Variants in MYT1L observed in about 807,000 individuals in gnomAD.
The protein encoded by MYT1L is myelin transcription factor 1 like.
In MYT1L, 12 loss-of-function variants were observed where a neutral mutation model predicts 126.7. The observed-to-expected ratio is 0.09, with a 90% CI of 0.06 to 0.15. The LOEUF is 0.15. MYT1L is among the 10% of genes least tolerant of loss of function. The pLI is 1.00. For missense variants in MYT1L, 979 were observed against 1,585.2 expected, an observed-to-expected ratio of 0.62 and a Z score of 6.49; for synonymous variants, 541 against 604.2, an observed-to-expected ratio of 0.90 and a Z score of 1.53.
At chr2:2,242,352 CA>C (rs1373048702) in intron 2 of MYT1L, among the ~76,000 whole-genome samples, 1 of 152,148 alleles carries the variant, frequency 6.6e-6, no homozygotes, top group Non-Finnish European at 1.5e-5. Flanking sequence ...TGATGGTTAA[CA>C]ACACGTAAAG....
At chr2:2,226,213 C>A (rs938398595) in intron 2 of MYT1L, among the ~76,000 whole-genome samples, 14 of 152,286 alleles carry the variant, frequency 9.2e-5, no homozygotes, top group African/African-American at 3.4e-4. Flanking sequence ...CCTAGTTGTG[C>A]GGCCTGCCAG....
chr2:2,085,043 C>G (rs2076219350), intron 3 of MYT1L, among the ~76,000 whole-genome samples: 1 of 152,160 alleles, frequency 6.6e-6, no homozygotes, highest in South Asian at 2.1e-4. Context: ...ACTTTGTGGT[C>G]AGGAAGCTTC....
intron 18 of MYT1L, among the ~76,000 whole-genome samples, chr2:1,870,568 T>C (rs12618511): frequency 0.15 from 22,843 of 152,052 alleles, 2,294 homozygotes; most frequent in African/African-American, 0.28. Context: ...GCCAAAGACC[T>C]CATTTGGAAA....
chr2:1,799,830 G>A (rs1435978883), intron 23 of MYT1L, among the ~76,000 whole-genome samples: 1 of 152,094 alleles, frequency 6.6e-6, no homozygotes, highest in Non-Finnish European at 1.5e-5. Flanking sequence ...AAATCATGGG[G>A]GCGTTCCCCC....
In MYT1L at chr2:1,892,250, G is replaced by T; in HGVS notation, c.2070C>A (p.Ser690Arg). The T allele has an allele frequency of 1.3e-6, 2 of 1,549,756 alleles. No individual in the cohort carries two copies. Among genetic ancestry groups the T allele is most frequent in the Non-Finnish European group, 1.7e-6 (2 of 1,146,516 alleles). The stretch of plus-strand genomic sequence containing the variant: ...TGCTGGGCGCGTAGCTGCTGGTGCT[G>T]CTGCTGCTGGGGCTGGGGTCCTTGC... The part of the protein sequence containing the change: ...RYCKDPSPSS[S>R]STSSYAPSSS... Residue 690 changes from serine to arginine, a missense_variant, in exon 15 of 25, where the codon AGC (serine) becomes AGA (arginine). By Grantham distance (110) the Ser-to-Arg change is moderately radical (BLOSUM62 -1). Transcript: ENST00000647738.
chr2:2,148,390 G>T (rs183790611), intron 3 of MYT1L, among the ~76,000 whole-genome samples: 27 of 152,286 alleles, frequency 1.8e-4, no homozygotes, highest in African/African-American at 6.5e-4. Context: ...ATGAGAATCT[G>T]ATGCCACCTG....
chr2:1,887,382 T>G lies in MYT1L; in HGVS notation c.2642+106A>C, dbSNP rs928827593. On this transcript the variant is annotated intron_variant, in intron 17 of 24. Transcript: ENST00000647738. The surrounding 1 kb of genome is among the most constrained non-coding windows in gnomAD (Gnocchi z 4.8). ...GTCGGAAACATTTATATGCTGCGAATGTCGCATGCTCAAACGGCAAGGCAT... is the reference window on the plus strand; with the variant it reads ...GTCGGAAACATTTATATGCTGCGAAGGTCGCATGCTCAAACGGCAAGGCAT... 105 of 1,439,128 alleles carry G rather than the reference T, an allele frequency of 7.3e-5. No individual in the cohort carries two copies. Among genetic ancestry groups the G allele is most frequent in the Non-Finnish European group, 8.3e-5 (86 of 1,033,996 alleles). 89.1% of individuals were successfully genotyped at this position (1,439,128 alleles called of 1,614,324 possible). A position where few individuals can be genotyped will look rare whatever the true frequency, so the allele number is the denominator to read the frequency against.
chr2:1,906,990 T>C (rs1475884191), intron 13 of MYT1L, among the ~76,000 whole-genome samples: 1 of 151,422 alleles, frequency 6.6e-6, no homozygotes, highest in African/African-American at 2.4e-5. Flanking sequence ...TGCATGCCCA[T>C]TGTCCCAGCT....
intron 2 of MYT1L, among the ~76,000 whole-genome samples, chr2:2,283,163 C>T (rs2149414087): frequency 6.6e-6 from 1 of 152,250 alleles, no homozygotes; most frequent in East Asian, 1.9e-4. Context: ...ACAGTTTGAC[C>T]CATGTTAATT....
In MYT1L at chr2:1,951,594, T is replaced by C. The variant is rs564512396; in HGVS notation, c.153-8260A>G. Among the ~76,000 whole-genome samples, 15 of 152,342 alleles carry C rather than the reference T, an allele frequency of 9.8e-5. No homozygotes were observed. In the South Asian group the frequency reaches 3.1e-3, roughly 32 times the overall value. ...ATGTTAGTAATATCAGCACAAGGTC[T>C]GTGCACCTCACCAAGTCGCTCCAGG... On this transcript the variant is annotated intron_variant, in intron 8 of 24. Transcript: ENST00000647738.
chr2:2,307,123 G>C (rs932423811), intron 1 of MYT1L, among the ~76,000 whole-genome samples: 1 of 152,072 alleles, frequency 6.6e-6, no homozygotes, highest in Non-Finnish European at 1.5e-5. Context: ...CAGTCCTCAC[G>C]GCAATATTTG....
At chr2:2,315,106 C>A (rs762134861) in intron 1 of MYT1L, among the ~76,000 whole-genome samples, 5 of 152,172 alleles carry the variant, frequency 3.3e-5, no homozygotes, top group Non-Finnish European at 5.9e-5. Context: ...ACATGGGGAA[C>A]TCCAGAGCAC....
At chr2:2,028,866 G>GCCC (rs935279279) in intron 4 of MYT1L, among the ~76,000 whole-genome samples, 48 of 152,240 alleles carry the variant, frequency 3.2e-4, no homozygotes, top group African/African-American at 8.7e-4. Context: ...TTGTTAAGAG[G>GCCC]CCCAGAAGGG....
intron 4 of MYT1L, among the ~76,000 whole-genome samples, chr2:2,003,985 GCAAGCGTTCTTTCC>G (rs2062720060): frequency 1.3e-5 from 2 of 150,840 alleles, no homozygotes; most frequent in South Asian, 2.1e-4. Context: ...ATTCTTTCCT[GCAAGCGTTCTTTCC>G]TGCATGCCTT....
chr2:1,988,744 C>T (rs1472631592), intron 5 of MYT1L, among the ~76,000 whole-genome samples: 1 of 152,322 alleles, frequency 6.6e-6, no homozygotes, highest in East Asian at 1.9e-4. Context: ...ATAGCAGATG[C>T]TCTCCAACTC....
At chr2:1,881,495 T>C (rs1286949354) in intron 18 of MYT1L, among the ~76,000 whole-genome samples, 1 of 152,156 alleles carries the variant, frequency 6.6e-6, no homozygotes, top group African/African-American at 2.4e-5. Flanking sequence ...CTCATTATGA[T>C]AAAATAAAAC....
At position 1,943,124 on chromosome 2, in the gene MYT1L, G is replaced by A. The variant is rs977030395; in HGVS notation, c.363C>T (p.Asp121=). The part of the protein sequence containing the change: ...SEDNDEPGDE[D]EEDEEGDREE... ...CCCGGTCCCCCTCCTCGTCCTCCTC[G>A]TCCTCATCCCCTGGCTCATCATTGT... The change falls in exon 9 of 25, where the codon GAC becomes GAT. Residue 121 remains aspartate, a synonymous_variant. Transcript: ENST00000647738. The surrounding 1 kb of genome is among the most constrained non-coding windows in gnomAD (Gnocchi z 4.4). 20 of 1,493,004 alleles carry A rather than the reference G, an allele frequency of 1.3e-5. No homozygotes were observed. The highest frequency in any genetic ancestry group is 2.9e-5 in the African/African-American group (2 of 69,058). 92.5% of individuals were successfully genotyped at this position (1,493,004 alleles called of 1,614,324 possible). A position where few individuals can be genotyped will look rare whatever the true frequency, so the allele number is the denominator to read the frequency against.
In MYT1L at chr2:2,299,134, G is replaced by A. The variant is rs1011253564; in HGVS notation, c.-520-14631C>T. ...CCCAAAGTGCTGGGATTACAGGCGTGAGCCACCGAGCCCTGCCAACTCTGT... is the reference window on the plus strand; with the variant it reads ...CCCAAAGTGCTGGGATTACAGGCGTAAGCCACCGAGCCCTGCCAACTCTGT... On this transcript the variant is annotated intron_variant, in intron 1 of 24. Coordinates refer to ENST00000647738, the MANE Select transcript of MYT1L (RefSeq NM_001303052.2). Among the ~76,000 whole-genome samples the A allele has an allele frequency of 3.9e-5, 6 of 152,180 alleles. No individual in the cohort carries two copies. In the East Asian group the frequency reaches 9.6e-4, roughly 24 times the overall value.
At chr2:1,842,879 AGGC>A (rs2041958809) in intron 19 of MYT1L, 1 of 137,378 alleles carries the variant, frequency 7.3e-6, no homozygotes, top group African/African-American at 2.9e-5. Flanking sequence ...TTCCGCTTCC[AGGC>A]GCTTCCGCTT....
Sources: gnomAD v4.1 joint callset for allele counts (sites outside exome capture counted in the v4.1 genomes callset) on GRCh38, gnomAD v4.1.1 for gene constraint, Gnocchi (gnomAD v3.1) non-coding constraint, MANE v1.5 for transcripts, NCBI Gene and HGNC (gene_info 2026-07-23, HGNC 2026-07-21) for gene names.